CACYBP: variants seen among roughly 807,000 people sequenced by gnomAD.
CACYBP encodes the protein calcyclin-binding protein.
Under a neutral mutation model 29.6 loss-of-function variants are expected in CACYBP, and 11 were observed. The ratio of observed to expected loss-of-function variants is 0.37; its 90% CI spans 0.23 to 0.61. CACYBP has a LOEUF of 0.61. CACYBP is among the 20% of genes least tolerant of loss of function. The pLI is 0.65. For synonymous variants in CACYBP, 73 were observed against 88.3 expected (o/e 0.83, Z 0.97); for missense variants, 163 against 260.7 (o/e 0.63, Z 2.58).
At chr1:175,009,610 C>T (rs1184410819) in intron 5 of CACYBP, among the ~76,000 whole-genome samples, 4 of 145,208 alleles carry the variant, frequency 2.8e-5, no homozygotes, top group Non-Finnish European at 6.0e-5. Flanking sequence ...TGCGCCACTG[C>T]ACTCCAGCCT....
intron 5 of CACYBP, chr1:175,008,994 A>T: frequency 3.8e-6 from 1 of 263,166 alleles, no homozygotes; most frequent in Non-Finnish European, 7.2e-6. Flanking sequence ...TATGTTTTAA[A>T]TTTCTCAGAT....
In CACYBP at chr1:175,011,137, C is replaced by CA. The variant is rs963523089; in HGVS notation, c.*1059dup. The CA allele has an allele frequency of 4.5e-4, 49 of 108,524 alleles. No homozygotes were observed. Among genetic ancestry groups the CA allele is most frequent in the African/African-American group, 1.7e-3 (47 of 27,150 alleles). The allele number at this position is 108,524 out of a possible 1,614,324, so 6.7% of individuals were successfully genotyped here. A position where few individuals can be genotyped will look rare whatever the true frequency, so the allele number is the denominator to read the frequency against. ...AAAAAAAAAAAAAAAAGCCGTTAGA[C>CA]ACACAGGAAAAATCCAGAAGGGTAA... On this transcript the variant is annotated 3_prime_UTR_variant, in exon 6 of 6. Transcript: ENST00000367679.
At chr1:175,003,650 C>T (rs1424493446) in intron 1 of CACYBP, among the ~76,000 whole-genome samples, 1 of 152,086 alleles carries the variant, frequency 6.6e-6, no homozygotes, top group Admixed American at 6.5e-5. Flanking sequence ...AGCTGTGACA[C>T]AAGATTTTTT....
intron 1 of CACYBP, among the ~76,000 whole-genome samples, chr1:175,001,796 C>T (rs1294954559): frequency 1.3e-5 from 2 of 152,218 alleles, no homozygotes; most frequent in African/African-American, 4.8e-5. Flanking sequence ...GGCTGGAGTG[C>T]AATGGCGCAA....
intron 4 of CACYBP, among the ~76,000 whole-genome samples, chr1:175,007,906 A>G (rs1377055043): frequency 6.6e-6 from 1 of 152,194 alleles, no homozygotes; most frequent in African/African-American, 2.4e-5. Context: ...ATGAAGTTTA[A>G]TGCGTTAGGT....
At position 175,007,090 on chromosome 1, in the gene CACYBP, T is replaced by C. The variant is rs1183447130; in HGVS notation, c.333-8T>C. Reference sequence around the variant, plus strand: ...TAGAAAGATGATGTATTCACCATTGTGTTGCAGGTCATTTGATCTTTTGGT... The same window carrying C: ...TAGAAAGATGATGTATTCACCATTGCGTTGCAGGTCATTTGATCTTTTGGT... On this transcript the variant is annotated splice_region_variant and splice_polypyrimidine_tract_variant and intron_variant, in intron 3 of 5. Coordinates refer to ENST00000367679, the MANE Select transcript of CACYBP (RefSeq NM_014412.3). 1 of 1,532,458 alleles carries C rather than the reference T, an allele frequency of 6.5e-7. No homozygotes were observed. Among genetic ancestry groups the C allele is most frequent in the Non-Finnish European group, 9.0e-7 (1 of 1,107,860 alleles). 94.9% of individuals were successfully genotyped at this position (1,532,458 alleles called of 1,614,324 possible).
At chr1:175,005,015 CTG>C (rs1384302813) in intron 2 of CACYBP, 182 bp downstream of exon 2, 2 of 636,638 alleles carry the variant, frequency 3.1e-6, no homozygotes, top group Non-Finnish European at 2.8e-6. Context: ...GTTCTAGAAG[CTG>C]TTAACAAGAG....
upstream of CACYBP, chr1:174,999,771 T>C (rs184014500): frequency 4.3e-4 from 130 of 305,392 alleles, no homozygotes; most frequent in Admixed American, 1.3e-3. Flanking sequence ...CAAATTATAA[T>C]ACATAAAAGT....
Position 175,010,250 on chromosome 1 carries a change from T to C in CACYBP, c.*171T>C. On this transcript the variant is annotated 3_prime_UTR_variant, in exon 6 of 6. Transcript: ENST00000367679. ...TACTGGAGGATTTATTTAAATAAAA[T>C]ATGCTTATTAAACACTCCTGCAAAG... 1.8e-6 allele frequency: 1 copy of C among 554,562 alleles called. No individual in the cohort carries two copies. The highest frequency in any genetic ancestry group is 3.2e-6 in the Non-Finnish European group (1 of 315,468). The allele number at this position is 554,562 out of a possible 1,614,324, so 34.4% of individuals were successfully genotyped here. A position where few individuals can be genotyped will look rare whatever the true frequency, so the allele number is the denominator to read the frequency against.
At chr1:175,000,495 T>G in intron 1 of CACYBP, 1 of 1,311,066 alleles carries the variant, frequency 7.6e-7, no homozygotes, top group Non-Finnish European at 9.7e-7. Flanking sequence ...CGCGTGTTCC[T>G]CAGGCCCTTT....
intron 1 of CACYBP, 117 bp downstream of exon 1, chr1:175,000,312 A>T: frequency 6.7e-7 from 1 of 1,496,018 alleles, no homozygotes. Flanking sequence ...GTCCCGCGCC[A>T]GTCAGTGCGC....
chr1:175,000,277 G>C lies in CACYBP; in HGVS notation c.15+82G>C, dbSNP rs1430288167. 1.8e-5 allele frequency: 27 copies of C among 1,540,584 alleles called. No homozygotes were observed. In the Admixed American group the frequency reaches 5.3e-4, roughly 30 times the overall value. ...CTCCCGCCCTACCGCCGTTTCCGTG[G>C]GCTGAGCCGCCCTGCGGCCACCCGG... On this transcript the variant is annotated intron_variant, in intron 1 of 5. Transcript: ENST00000367679.
chr1:175,006,784 C>T lies in CACYBP; in HGVS notation c.275C>T (p.Thr92Ile), dbSNP rs1672629330. ...QSDKFVKIYI[T>I]LTGVHQVPTE... is the part of the protein sequence containing the mutation. ...GATAAGTTTGTGAAAATCTACATTA[C>T]CTTAACTGGAGTTCATCAAGTTCCC... Residue 92 changes from threonine to isoleucine, a missense_variant, in exon 3 of 6, where the codon ACC becomes ATC. Transcript: ENST00000367679. The T allele has an allele frequency of 6.2e-7, 1 of 1,606,352 alleles. No individual in the cohort carries two copies. The highest frequency in any genetic ancestry group is 8.5e-7 in the Non-Finnish European group (1 of 1,173,746).
chr1:175,001,997 C>T (rs1672503899), intron 1 of CACYBP, among the ~76,000 whole-genome samples: 1 of 152,186 alleles, frequency 6.6e-6, no homozygotes, highest in Non-Finnish European at 1.5e-5. Context: ...CCGCCCGCCT[C>T]GGCCTCTGAA....
At chr1:175,006,641 A>G in intron 2 of CACYBP, 104 bp from the exon 3 acceptor site, 1 of 613,702 alleles carries the variant, frequency 1.6e-6, no homozygotes, top group Non-Finnish European at 2.9e-6. Context: ...ATATGACTGG[A>G]TTTTCATAAT....
chr1:175,000,192 A>T lies in CACYBP; in HGVS notation c.12A>T (p.Glu4Asp). ...CTGACCCAGCCCCCATGGCTTCAGAAGAGGTAAGTGGTCCGGCCCCATATT... is the reference window on the plus strand; with the variant it reads ...CTGACCCAGCCCCCATGGCTTCAGATGAGGTAAGTGGTCCGGCCCCATATT... The part of the protein sequence containing the change: MAS[E>D]ELQKDLEEVK... Residue 4 changes from glutamate to aspartate, a missense_variant, in exon 1 of 6, where the codon GAA (glutamate) becomes GAT (aspartate). Physicochemically the swap from Glu to Asp is conservative, Grantham distance 45. Coordinates refer to ENST00000367679, the MANE Select transcript of CACYBP (RefSeq NM_014412.3). 6.2e-7 allele frequency: 1 copy of T among 1,608,260 alleles called. No homozygotes were observed. The highest frequency in any genetic ancestry group is 1.7e-5 in the Admixed American group (1 of 59,540).
chr1:175,005,136 T>C, intron 2 of CACYBP: 5 of 364,980 alleles, frequency 1.4e-5, no homozygotes, highest in South Asian at 1.1e-4. Context: ...TTTTTAATCA[T>C]GTTTTATGTT....
Position 175,009,916 on chromosome 1 carries a change from T to G in CACYBP, c.531-7T>G. On this transcript the variant is annotated splice_polypyrimidine_tract_variant and splice_region_variant and intron_variant, in intron 5 of 5. Transcript: ENST00000367679. ...TCCCCATTGTTGTATATGTTTTCTT[T>G]TTAAAGGAAGCCCTCCTATGACACT... 1 of 1,601,578 alleles carries G rather than the reference T, an allele frequency of 6.2e-7. No individual in the cohort carries two copies.
intron 4 of CACYBP, 30 bp downstream of exon 4, chr1:175,007,227 G>C: frequency 1.5e-6 from 2 of 1,338,098 alleles, no homozygotes; most frequent in Non-Finnish European, 2.1e-6. Context: ...TTGTAATATT[G>C]TGAAACCTTA....
Sources: gnomAD v4.1 joint callset for allele counts (sites outside exome capture counted in the v4.1 genomes callset) on GRCh38, gnomAD v4.1.1 for gene constraint, MANE v1.5 for transcripts, NCBI Gene and HGNC (gene_info 2026-07-23, HGNC 2026-07-21) for gene names.